The following ATCAY variants were observed in gnomAD, a reference collection of about 807,000 sequenced individuals.
The protein encoded by ATCAY is ATCAY kinesin light chain interacting caytaxin.
ATCAY carries 22 observed loss-of-function variants against 47.7 expected under a neutral mutation model. The observed-to-expected ratio is 0.46, with a 90% CI of 0.33 to 0.66. The LOEUF is 0.66. ATCAY is among the 30% of genes least tolerant of loss of function. The pLI is 0.02. For missense variants in ATCAY, 452 were observed against 515.0 expected, an observed-to-expected ratio of 0.88 and a Z score of 1.18; for synonymous variants, 216 against 207.6, an observed-to-expected ratio of 1.04 and a Z score of -0.35.
chr19:3,908,888 T>C (rs1599290222), intron 6 of ATCAY, among the ~76,000 whole-genome samples: 2 of 37,560 alleles, frequency 5.3e-5, no homozygotes, highest in East Asian at 1.1e-3. Context: ...TCTCCTTCCC[T>C]CTCCTCCCCC....
chr19:3,908,248 G>C lies in ATCAY; in HGVS notation c.545-20G>C, dbSNP rs774870655. On this transcript the variant is annotated intron_variant, in intron 5 of 12. Coordinates refer to ENST00000450849, the MANE Select transcript of ATCAY (RefSeq NM_033064.5). ...GCTGGGAGAGGACTCTGACGTTGCC[G>C]ATCGGCTGCCTCTCCTCAGGGTACT... is the stretch of plus-strand genomic sequence containing the variant. 1 of 1,555,240 alleles carries C rather than the reference G, an allele frequency of 6.4e-7. No homozygotes were observed. The highest frequency in any genetic ancestry group is 8.7e-7 in the Non-Finnish European group (1 of 1,147,672).
At chr19:3,903,432 G>A (rs1333202267) in intron 3 of ATCAY, among the ~76,000 whole-genome samples, 4 of 152,136 alleles carry the variant, frequency 2.6e-5, no homozygotes, top group Non-Finnish European at 4.4e-5. Context: ...GGTTGGCACC[G>A]TGGGGAGAGG....
At chr19:3,908,971 T>C (rs1599290326) in intron 6 of ATCAY, among the ~76,000 whole-genome samples, 1 of 44,422 alleles carries the variant, frequency 2.3e-5, no homozygotes, top group African/African-American at 1.1e-4. Context: ...ACCACTGCAC[T>C]CCAGCCTGGG....
intron 2 of ATCAY, among the ~76,000 whole-genome samples, chr19:3,894,854 C>G (rs1274882940): frequency 1.4e-5 from 2 of 146,436 alleles, no homozygotes; most frequent in Non-Finnish European, 3.0e-5. Flanking sequence ...AAGACTGAGA[C>G]AGGAGGATCC....
At chr19:3,913,922 T>G (rs1204046047) in intron 9 of ATCAY, 66 bp downstream of exon 9, 1 of 1,417,346 alleles carries the variant, frequency 7.1e-7, no homozygotes, top group Non-Finnish European at 9.9e-7. Flanking sequence ...AAGACACACC[T>G]GAGACAGGGC....
At chr19:3,900,384 C>T (rs115934540) in intron 2 of ATCAY, among the ~76,000 whole-genome samples, 1,707 of 152,006 alleles carry the variant, frequency 0.011, 31 homozygotes, top group African/African-American at 0.039. Flanking sequence ...GACAGAGTTA[C>T]GCCATGTTGC....
chr19:3,883,919 C>T (rs1167648182), intron 1 of ATCAY, among the ~76,000 whole-genome samples: 2 of 152,138 alleles, frequency 1.3e-5, no homozygotes, highest in African/African-American at 2.4e-5. Flanking sequence ...CACCTGGCAG[C>T]TCTGATCCTG....
intron 2 of ATCAY, among the ~76,000 whole-genome samples, chr19:3,894,022 G>A (rs557151030): frequency 6.6e-6 from 1 of 152,166 alleles, no homozygotes; most frequent in South Asian, 2.1e-4. Flanking sequence ...CCTGGTCTCT[G>A]CAGGACGCCA....
rs1448064583 is a variant in ATCAY, at chr19:3,887,756, G to C, written c.77+1912G>C. 2.0e-5 allele frequency among the ~76,000 whole-genome samples: 3 copies of C among 149,314 alleles called. No individual in the cohort carries two copies. In the South Asian group the frequency reaches 6.6e-4, roughly 33 times the overall value. ...CCACCTCGGCCTCCCAAAGTGCTGGGATTACAGGCGTGAGCCATCGCGCCC... is the reference window on the plus strand; with the variant it reads ...CCACCTCGGCCTCCCAAAGTGCTGGCATTACAGGCGTGAGCCATCGCGCCC... On this transcript the variant is annotated intron_variant, in intron 2 of 12. Transcript: ENST00000450849.
intron 10 of ATCAY, 38 bp from the exon 11 acceptor site, chr19:3,918,768 G>T: frequency 6.2e-7 from 1 of 1,613,062 alleles, no homozygotes; most frequent in Non-Finnish European, 8.5e-7. Flanking sequence ...GCCTGGCTGG[G>T]CTAGTCACCC....
rs1300925379 is a variant in ATCAY, at chr19:3,910,816, C to G, written c.793C>G (p.Leu265Val). ...QMIDRRLRKN[L>V]KSLIIVHPSW... Reference sequence around the variant, plus strand: ...GGCCCCACACAGGTTGCGGAAAAACCTGAAGTCCTTGATCATCGTCCACCC... The same window carrying G: ...GGCCCCACACAGGTTGCGGAAAAACGTGAAGTCCTTGATCATCGTCCACCC... The change falls in exon 8 of 13, where the codon CTG (leucine) becomes GTG (valine). Residue 265 changes from leucine to valine, a missense_variant. Leu to Val is a conservative substitution (Grantham distance 32). Transcript: ENST00000450849. 2 of 1,613,930 alleles carry G rather than the reference C, an allele frequency of 1.2e-6. No homozygotes were observed. Among genetic ancestry groups the G allele is most frequent in the Non-Finnish European group, 1.7e-6 (2 of 1,179,908 alleles).
At chr19:3,909,797 C>CTTTTA (rs1241280380) in intron 7 of ATCAY, among the ~76,000 whole-genome samples, 180 bp downstream of exon 7, 3 of 151,968 alleles carry the variant, frequency 2.0e-5, no homozygotes, top group Non-Finnish European at 4.4e-5. Flanking sequence ...TACAGAAAAA[C>CTTTTA]TTTTAGGCCG....
In ATCAY at chr19:3,907,170, T is replaced by C. The variant is rs965253810; in HGVS notation, c.359-564T>C. On this transcript the variant is annotated intron_variant, in intron 4 of 12. Coordinates refer to ENST00000450849, the MANE Select transcript of ATCAY (RefSeq NM_033064.5). This position sits in a 1 kb window ranked among gnomAD's most constrained non-coding sequence, Gnocchi z 5.1. ...AAAGAAAAAAAAAAATTAAGGACAATGTAGTGGCTCATTCCTGTAATCCCA... is the reference window on the plus strand; with the variant it reads ...AAAGAAAAAAAAAAATTAAGGACAACGTAGTGGCTCATTCCTGTAATCCCA... Among the ~76,000 whole-genome samples, 3 of 147,430 alleles carry C rather than the reference T, an allele frequency of 2.0e-5. No individual in the cohort carries two copies. The highest frequency in any genetic ancestry group is 7.5e-5 in the African/African-American group (3 of 39,854).
At chr19:3,909,403 G>T in intron 6 of ATCAY, 83 bp from the exon 7 acceptor site, 2 of 1,479,902 alleles carry the variant, frequency 1.4e-6, no homozygotes, top group South Asian at 1.3e-5. Context: ...GGCAGGAGTG[G>T]AGGCAGGCAG....
At chr19:3,911,233 G>A (rs4806964) in intron 8 of ATCAY, among the ~76,000 whole-genome samples, 80,555 of 151,896 alleles carry the variant, frequency 0.53, 22,237 homozygotes, top group East Asian at 0.94. Context: ...GGACGTGGTG[G>A]TGCACACCTG....
At chr19:3,882,766 C>T (rs906395433) in intron 1 of ATCAY, among the ~76,000 whole-genome samples, 2 of 152,036 alleles carry the variant, frequency 1.3e-5, no homozygotes, top group Non-Finnish European at 2.9e-5. Flanking sequence ...ACCTCAGCCT[C>T]CTGAACAGCT....
At chr19:3,897,155 ACTAGG>A (rs1160985795) in intron 2 of ATCAY, among the ~76,000 whole-genome samples, 5 of 151,878 alleles carry the variant, frequency 3.3e-5, no homozygotes, top group African/African-American at 1.2e-4. Flanking sequence ...GTGGGACATA[ACTAGG>A]CTTGGTGCAT....
chr19:3,913,562 G>A (rs560824409), intron 8 of ATCAY, among the ~76,000 whole-genome samples, 196 bp from the exon 9 acceptor site: 1 of 152,088 alleles, frequency 6.6e-6, no homozygotes, highest in Admixed American at 6.6e-5. Context: ...GCGCAGACCC[G>A]GGGTCTCCAC....
At chr19:3,904,477 G>A (rs1047240192) in intron 3 of ATCAY, among the ~76,000 whole-genome samples, 3 of 152,194 alleles carry the variant, frequency 2.0e-5, no homozygotes, top group Admixed American at 6.5e-5. Flanking sequence ...TTCTGCCTGC[G>A]GACGGTTTTG....
Sources: allele counts gnomAD v4.1 joint callset (sites outside exome capture counted in the v4.1 genomes callset), GRCh38; gene constraint gnomAD v4.1.1; non-coding constraint Gnocchi (gnomAD v3.1); transcripts MANE v1.5; gene names NCBI Gene and HGNC (gene_info 2026-07-23, HGNC 2026-07-21).